The following TBCD variants were observed in gnomAD, a reference collection of about 807,000 sequenced individuals.
TBCD encodes the protein tubulin-specific chaperone D.
A neutral mutation model predicts 169.3 loss-of-function variants in TBCD; 105 were observed. The observed-to-expected ratio is 0.62, with a 90% CI of 0.53 to 0.73. The LOEUF is 0.73. Ranked by LOEUF, TBCD falls within the 30% of genes least tolerant of loss-of-function variation. The pLI is 0.00. For missense variants in TBCD, 1,444 were observed against 1,600.1 expected, an observed-to-expected ratio of 0.90 and a Z score of 1.66; for synonymous variants, 700 against 643.9, an observed-to-expected ratio of 1.09 and a Z score of -1.32.
At chr17:82,927,379 A>C in intron 29 of TBCD, 56 bp downstream of exon 29, 1 of 1,571,766 alleles carries the variant, frequency 6.4e-7, no homozygotes, top group Non-Finnish European at 8.6e-7. Context: ...TATTCCGTGG[A>C]AACTCGGAGG....
intron 13 of TBCD, among the ~76,000 whole-genome samples, chr17:82,841,191 G>A (rs1035616305): frequency 4.6e-5 from 7 of 151,718 alleles, no homozygotes; most frequent in South Asian, 2.1e-4. Flanking sequence ...ATCCACCCAC[G>A]TCGGCCTCCC....
At chr17:82,875,597 C>T (rs750151993) in intron 14 of TBCD, among the ~76,000 whole-genome samples, 4 of 152,174 alleles carry the variant, frequency 2.6e-5, no homozygotes, top group East Asian at 1.9e-4. Flanking sequence ...ACCTGCTGAG[C>T]GGCGCGGCCC....
chr17:82,912,213 G>A (rs770679626), intron 23 of TBCD, among the ~76,000 whole-genome samples: 10 of 152,176 alleles, frequency 6.6e-5, no homozygotes, highest in East Asian at 1.9e-4. Flanking sequence ...CGTTTTGGGC[G>A]AGCACAGGAA....
At position 82,929,447 on chromosome 17, in the gene TBCD, T is replaced by C. The variant is rs761693555; in HGVS notation, c.2938T>C (p.Tyr980His). ...TQLLGLPTYR[Y>H]HVLLGLVVSL... ...GCTCCTTGGGCTGCCCACCTACCGC[T>C]ACCACGTCCTGCTGGGGCTAGTCGT... The change falls in exon 32 of 39, where the codon TAC (tyrosine) becomes CAC (histidine). Residue 980 changes from tyrosine to histidine, a missense_variant. Tyr to His is a moderately conservative substitution (Grantham distance 83). Coordinates refer to ENST00000355528, the MANE Select transcript of TBCD (RefSeq NM_005993.5). 1.2e-6 allele frequency: 2 copies of C among 1,611,730 alleles called. No individual in the cohort carries two copies. Among genetic ancestry groups the C allele is most frequent in the East Asian group, 4.5e-5 (2 of 44,872 alleles).
In TBCD at chr17:82,889,991, G is replaced by C. The variant is rs566872115; in HGVS notation, c.1563+294G>C. ...TGGGGCGGGTCCCTGGGACCAGCCT[G>C]GCCTTGCGGGGACGCAGACCTGACC... On this transcript the variant is annotated intron_variant, in intron 16 of 38. Transcript: ENST00000355528. This position sits in a 1 kb window ranked among gnomAD's most constrained non-coding sequence, Gnocchi z 5.3. Among the ~76,000 whole-genome samples the C allele has an allele frequency of 1.1e-4, 17 of 152,334 alleles. No homozygotes were observed. The highest frequency in any genetic ancestry group is 4.1e-4 in the African/African-American group (17 of 41,596).
At position 82,823,608 on chromosome 17, in the gene TBCD, C is replaced by T. The variant is rs138346884; in HGVS notation, c.1318+8674C>T. Among the ~76,000 whole-genome samples the T allele has an allele frequency of 5.9e-4, 89 of 152,108 alleles. 1 individual carries two copies. In the East Asian group the frequency reaches 0.015, roughly 26 times the overall value. On this transcript the variant is annotated intron_variant, in intron 13 of 38. Coordinates refer to ENST00000355528, the MANE Select transcript of TBCD (RefSeq NM_005993.5). ...GTGGGGGCAGACGGCAGTGGGCCCC[C>T]GTTAAGACTGTTTAGAAAGGGCGTT...
intron 13 of TBCD, among the ~76,000 whole-genome samples, chr17:82,841,695 C>A (rs549518550): frequency 3.0e-4 from 45 of 152,322 alleles, no homozygotes; most frequent in African/African-American, 1.0e-3. Context: ...AAAACAAGCA[C>A]CGTTTTATTA....
chr17:82,837,495 CT>C (rs2054090039), intron 13 of TBCD, among the ~76,000 whole-genome samples: 1 of 152,196 alleles, frequency 6.6e-6, no homozygotes, highest in African/African-American at 2.4e-5. Context: ...TCTTTCTCTC[CT>C]GGGGGAGGTG....
intron 27 of TBCD, among the ~76,000 whole-genome samples, chr17:82,925,271 A>T (rs112235232): frequency 6.6e-6 from 1 of 152,194 alleles, no homozygotes; most frequent in Non-Finnish European, 1.5e-5. Flanking sequence ...CTTTGCTGTC[A>T]GAGGACAGAC....
chr17:82,830,779 C>T lies in TBCD; in HGVS notation c.1318+15845C>T, dbSNP rs745890516. 3 of 1,613,610 alleles carry T rather than the reference C, an allele frequency of 1.9e-6. No homozygotes were observed. In the African/African-American group the frequency reaches 4.0e-5, roughly 22 times the overall value. ...TGATTTCTTGGAGAGGTTGAGGGGG[C>T]CCATCCCGGAGCTGTCGTCCGGACT... On this transcript the variant is annotated intron_variant, in intron 13 of 38. Coordinates refer to ENST00000355528, the MANE Select transcript of TBCD (RefSeq NM_005993.5).
chr17:82,781,539 G>T, intron 6 of TBCD, 50 bp from the exon 7 acceptor site: 1 of 1,605,324 alleles, frequency 6.2e-7, no homozygotes. Context: ...GGTGAGGCGT[G>T]GGCGAGGTCT....
intron 15 of TBCD, among the ~76,000 whole-genome samples, chr17:82,888,590 C>A (rs1171194989): frequency 2.6e-5 from 4 of 152,228 alleles, no homozygotes; most frequent in Non-Finnish European, 4.4e-5. Flanking sequence ...CGCCTGTTTC[C>A]TCCAATCTCC....
chr17:82,777,546 A>G (rs1659771909), intron 6 of TBCD, among the ~76,000 whole-genome samples: 1 of 152,250 alleles, frequency 6.6e-6, no homozygotes, highest in African/African-American at 2.4e-5. Context: ...TCACGTGTCC[A>G]CTGGACGGGG....
rs1183005673 is a variant in TBCD, at chr17:82,921,554, A to G, written c.2155A>G (p.Ser719Gly). 6.2e-7 allele frequency: 1 copy of G among 1,614,036 alleles called. No individual in the cohort carries two copies. Among genetic ancestry groups the G allele is most frequent in the Non-Finnish European group, 8.5e-7 (1 of 1,179,904 alleles). Reference sequence around the variant, plus strand: ...TTTGAGACATCTCCATCTCATCTCAAGTCACTCCCGCCAGCAGATGAAGGT... The same window carrying G: ...TTTGAGACATCTCCATCTCATCTCAGGTCACTCCCGCCAGCAGATGAAGGT... Reference protein sequence around the residue: ...DTLRHLHLISSHSRQQMKDAA... With the variant: ...DTLRHLHLISGHSRQQMKDAA... Residue 719 changes from serine (S) to glycine (G), a missense_variant, in exon 25 of 39, where the codon AGT becomes GGT. By Grantham distance (56) the Ser-to-Gly change is moderately conservative. Coordinates refer to ENST00000355528, the MANE Select transcript of TBCD (RefSeq NM_005993.5).
At chr17:82,776,296 G>C (rs776084547) in intron 6 of TBCD, among the ~76,000 whole-genome samples, 2 of 152,142 alleles carry the variant, frequency 1.3e-5, no homozygotes, top group Non-Finnish European at 2.9e-5. Flanking sequence ...TGTGGTCCCA[G>C]CTATTCCGAA....
intron 18 of TBCD, among the ~76,000 whole-genome samples, chr17:82,901,921 C>T (rs1026204326): frequency 1.3e-5 from 2 of 152,188 alleles, no homozygotes; most frequent in Non-Finnish European, 2.9e-5. Context: ...TTGTATCAGC[C>T]GATTAGTCAA....
At chr17:82,906,730 C>T (rs901912583) in intron 20 of TBCD, among the ~76,000 whole-genome samples, 4 of 152,218 alleles carry the variant, frequency 2.6e-5, no homozygotes, top group East Asian at 1.9e-4. Flanking sequence ...TCCCTGGGAA[C>T]GGGTTGAGAG....
intron 13 of TBCD, among the ~76,000 whole-genome samples, chr17:82,859,202 C>G: frequency 6.6e-6 from 1 of 150,906 alleles, no homozygotes; most frequent in African/African-American, 2.5e-5. Context: ...GGCTCTGTGT[C>G]CTCCCCGCAC....
chr17:82,766,333 G>C lies in TBCD; in HGVS notation c.400G>C (p.Asp134His). 6.2e-7 allele frequency: 1 copy of C among 1,613,246 alleles called. No homozygotes were observed. Among genetic ancestry groups the C allele is most frequent in the Non-Finnish European group, 8.5e-7 (1 of 1,179,632 alleles). ...HEVADVEPVLDLVTIQNPKDH... is the reference protein window; with the variant it reads ...HEVADVEPVLHLVTIQNPKDH... ...AGTTGCCGATGTAGAGCCTGTTTTA[G>C]ATTTGGTCACAATTCAGAATCCCAA... Residue 134 changes from aspartate to histidine, a missense_variant, in exon 4 of 39, where the codon GAT becomes CAT. Asp to His is a moderately conservative substitution (Grantham distance 81). Transcript: ENST00000355528.
Sources: allele counts gnomAD v4.1 joint callset (sites outside exome capture counted in the v4.1 genomes callset), GRCh38; gene constraint gnomAD v4.1.1; non-coding constraint Gnocchi (gnomAD v3.1); transcripts MANE v1.5; gene names NCBI Gene and HGNC (gene_info 2026-07-23, HGNC 2026-07-21).